The following IRAG2 variants were observed in gnomAD, a reference collection of about 807,000 sequenced individuals.
IRAG2 encodes the protein inositol 1,4,5-triphosphate receptor associated 2.
IRAG2 carries 45 observed loss-of-function variants against 69.9 expected under a neutral mutation model. The ratio of observed to expected loss-of-function variants is 0.64; its 90% CI spans 0.51 to 0.83. The LOEUF (loss-of-function observed/expected upper bound fraction) is 0.83, where lower values mean the gene tolerates loss of function less well. Ranked by LOEUF, IRAG2 falls within the 40% of genes least tolerant of loss-of-function variation. The pLI, the probability that IRAG2 is intolerant of heterozygous loss-of-function variation, is 0.00. For missense variants in IRAG2, 520 were observed against 587.0 expected (o/e 0.89, Z 1.18); for synonymous variants, 193 against 202.4 (o/e 0.95, Z 0.40).
At chr12:25,062,401 A>G (rs902688108) in intron 2 of IRAG2, among the ~76,000 whole-genome samples, 5 of 152,232 alleles carry the variant, frequency 3.3e-5, no homozygotes, top group Non-Finnish European at 5.9e-5. Context: ...AGATGCTTTA[A>G]TCATCTCAAG....
chr12:25,071,964 G>A (rs895883159), intron 6 of IRAG2, among the ~76,000 whole-genome samples: 7 of 152,104 alleles, frequency 4.6e-5, no homozygotes, highest in Non-Finnish European at 7.4e-5. Context: ...AGCACTTTGG[G>A]AGACCGAGGC....
exon 11 of IRAG2, chr12:25,032,200 A>C (rs1944673589): frequency 2.5e-6 from 1 of 398,944 alleles, no homozygotes; most frequent in African/African-American, 2.1e-5. Flanking sequence ...AGCATTATAG[A>C]GGTATACCTG....
intron 11 of IRAG2, among the ~76,000 whole-genome samples, chr12:25,088,768 T>C (rs1417138514): frequency 6.6e-6 from 1 of 152,210 alleles, no homozygotes; most frequent in Non-Finnish European, 1.5e-5. Flanking sequence ...TGGTAAATTG[T>C]GATTCAGTTG....
intron 10 of IRAG2, among the ~76,000 whole-genome samples, chr12:25,085,716 T>C (rs897949840): frequency 7.1e-6 from 1 of 140,594 alleles, no homozygotes; most frequent in African/African-American, 3.3e-5. Context: ...CGCCTTTCTC[T>C]ATCCAGCACT....
rs375981823 is a variant in IRAG2, at chr12:25,028,658, A to G, written c.1462-1620A>G. 3.7e-4 allele frequency among the ~76,000 whole-genome samples: 56 copies of G among 152,310 alleles called. No homozygotes were observed. The South Asian group carries it at 0.011, about 31-fold the overall frequency. ...ACATTCTCATCAGGAAACAGATGAC[A>G]ACGACTAGTAAATTCATGAATTTGT... On this transcript the variant is annotated intron_variant, in intron 9 of 38. Coordinates refer to the IRAG2 transcript ENST00000636465.
At chr12:25,079,064 A>G (rs944826453) in intron 6 of IRAG2, among the ~76,000 whole-genome samples, 180 bp from the exon 7 acceptor site, 2 of 152,182 alleles carry the variant, frequency 1.3e-5, no homozygotes, top group Non-Finnish European at 2.9e-5. Context: ...GGGTAAGTGC[A>G]GCTTTGAGGA....
intron 12 of IRAG2, chr12:25,032,398 C>T (rs1944674846): frequency 2.5e-6 from 1 of 398,910 alleles, no homozygotes; most frequent in African/African-American, 2.1e-5. Flanking sequence ...TTGCCAGCCT[C>T]CTCTCTTGTT....
chr12:25,067,939 C>A (rs1319134984), intron 5 of IRAG2, among the ~76,000 whole-genome samples: 2 of 152,148 alleles, frequency 1.3e-5, no homozygotes, highest in Non-Finnish European at 2.9e-5. Context: ...CTCCCGGGTT[C>A]AAGCAATCCT....
intron 1 of IRAG2, among the ~76,000 whole-genome samples, chr12:25,057,421 G>T (rs1289441588): frequency 6.6e-6 from 1 of 151,588 alleles, no homozygotes; most frequent in African/African-American, 2.4e-5. Flanking sequence ...ACTATGCCTG[G>T]CTAATTTTTA....
exon 6 of IRAG2, chr12:25,017,277 G>T (rs1052311222): frequency 8.1e-7 from 1 of 1,232,128 alleles, no homozygotes; most frequent in Non-Finnish European, 1.0e-6. Context: ...ACCGAATTGC[G>T]CCTTCAGGTA....
intron 1 of IRAG2, among the ~76,000 whole-genome samples, chr12:25,059,498 T>G (rs1945475446): frequency 6.6e-6 from 1 of 152,036 alleles, no homozygotes; most frequent in South Asian, 2.1e-4. Context: ...ACTACAGGTG[T>G]GTGCTACCAT....
At chr12:25,041,679 T>A (rs1944750537) in intron 16 of IRAG2, among the ~76,000 whole-genome samples, 1 of 150,256 alleles carries the variant, frequency 6.7e-6, no homozygotes. Context: ...TTTGTTTTTT[T>A]TTTTTTCAGT....
At chr12:25,030,416 T>G (rs1944660068) in intron 10 of IRAG2, 1 of 996,064 alleles carries the variant, frequency 1.0e-6, no homozygotes, top group Non-Finnish European at 1.3e-6. Flanking sequence ...TGACGGAGTC[T>G]TGCTCTGTTG....
exon 3 of IRAG2, chr12:25,011,437 G>A: frequency 2.4e-6 from 3 of 1,231,694 alleles, no homozygotes; most frequent in Non-Finnish European, 3.0e-6. Flanking sequence ...TCTGAAGACA[G>A]TGGCCTTGAG....
chr12:25,041,657 G>GT (rs1474020969), intron 16 of IRAG2, among the ~76,000 whole-genome samples: 2 of 133,082 alleles, frequency 1.5e-5, no homozygotes, highest in East Asian at 2.6e-4. Flanking sequence ...GCTCCGCTAA[G>GT]TTTTGTTTTT....
At chr12:25,032,602 C>A (rs967018657) in intron 12 of IRAG2, among the ~76,000 whole-genome samples, 1 of 152,176 alleles carries the variant, frequency 6.6e-6, no homozygotes, top group Non-Finnish European at 1.5e-5. Flanking sequence ...CAATAATACT[C>A]ATTTATTTCT....
intron 10 of IRAG2, among the ~76,000 whole-genome samples, chr12:25,031,698 T>A (rs1944668895): frequency 6.6e-6 from 1 of 152,168 alleles, no homozygotes; most frequent in Admixed American, 6.5e-5. Context: ...GTTTCACTCT[T>A]GTTGCCCAGG....
upstream of IRAG2, among the ~76,000 whole-genome samples, chr12:25,003,353 A>T (rs1160329035): frequency 6.6e-6 from 1 of 152,084 alleles, no homozygotes; most frequent in East Asian, 1.9e-4. Context: ...GTCTAATCTA[A>T]TCTAATCTAA....
intron 5 of IRAG2, among the ~76,000 whole-genome samples, chr12:25,016,227 A>G (rs1180604792): frequency 2.0e-5 from 3 of 151,878 alleles, no homozygotes; most frequent in East Asian, 3.9e-4. Flanking sequence ...AGTGGGAACT[A>G]TGTTCTCAAC....
Sources: allele counts gnomAD v4.1 joint callset (sites outside exome capture counted in the v4.1 genomes callset), GRCh38; gene constraint gnomAD v4.1.1; transcripts MANE v1.5; gene names NCBI Gene and HGNC (gene_info 2026-07-23, HGNC 2026-07-21).